C11orf91: variants seen among roughly 807,000 people sequenced by gnomAD.
C11orf91 encodes the protein chromosome 11 open reading frame 91, also known as uncharacterized protein C11orf91.
A neutral mutation model predicts 14.3 loss-of-function variants in C11orf91; 10 were observed. The ratio of observed to expected loss-of-function variants is 0.70; its 90% CI spans 0.43 to 1.18. The LOEUF (loss-of-function observed/expected upper bound fraction) is 1.18, where lower values mean the gene tolerates loss of function less well. Among genes scored for constraint, C11orf91 ranks in the 50% most tolerant of loss-of-function variants. The probability of loss-of-function intolerance (pLI) is 0.00; values close to 1 mark genes in which losing one functional copy is unlikely to be tolerated. For missense variants in C11orf91, 236 were observed against 269.0 expected (o/e 0.88, Z 0.86); for synonymous variants, 141 against 130.6 (o/e 1.08, Z -0.54).
Position 33,700,342 on chromosome 11 carries a change from G to A in C11orf91, c.399C>T (p.Ala133=), listed in dbSNP as rs1853100229. ...LVPCPSTPRL[A]SASHPEELCE... The stretch of plus-strand genomic sequence containing the variant: ...AGAGCTCCTCCGGGTGGGAGGCAGA[G>A]GCGAGCCTGGGGGTCGAGGGGCAGG... Residue 133 remains alanine (A), a synonymous_variant, in exon 1 of 2, where the codon GCC becomes GCT. Coordinates refer to ENST00000379011, the MANE Select transcript of C11orf91 (RefSeq NM_001166692.2). 1 of 1,535,518 alleles carries A rather than the reference G, an allele frequency of 6.5e-7. No homozygotes were observed.
In C11orf91 at chr11:33,700,527, G is replaced by C. The variant is rs1853106187; in HGVS notation, c.214C>G (p.Pro72Ala). 1.5e-6 allele frequency: 2 copies of C among 1,350,396 alleles called. No homozygotes were observed. The highest frequency in any genetic ancestry group is 1.9e-5 in the South Asian group (1 of 51,996). The allele number at this position is 1,350,396 out of a possible 1,614,324, so 83.7% of individuals were successfully genotyped here. A position where few individuals can be genotyped will look rare whatever the true frequency, so the allele number is the denominator to read the frequency against. The change falls in exon 1 of 2, where the codon CCG (proline) becomes GCG (alanine). Residue 72 changes from proline to alanine, a missense_variant. Transcript: ENST00000379011. ...GGTGGTGGCGGGGGCGGGGGCGCCG[G>C]GGCGGGGAGCGCCTGGGACAGGGAC... is the stretch of plus-strand genomic sequence containing the variant. ...ARSLSQALPA[P>A]APPPPPPPGL...
At chr11:33,705,703 G>C (rs569715251), upstream of C11orf91, 1 of 152,108 alleles carries the variant, frequency 6.6e-6, no homozygotes, top group African/African-American at 2.4e-5. Flanking sequence ...GTGCGACTTC[G>C]CCTTCTAACT....
At chr11:33,699,484 G>A (rs1373373272) in intron 1 of C11orf91, 1 of 449,872 alleles carries the variant, frequency 2.2e-6, no homozygotes, top group African/African-American at 2.0e-5. Flanking sequence ...TACCGCTACT[G>A]AAAGTTCTAC....
Position 33,700,718 on chromosome 11 carries a change from C to T in C11orf91, c.23G>A (p.Ser8Asn). 1 of 1,384,840 alleles carries T rather than the reference C, an allele frequency of 7.2e-7. No individual in the cohort carries two copies. The highest frequency in any genetic ancestry group is 9.4e-7 in the Non-Finnish European group (1 of 1,066,424). The allele number at this position is 1,384,840 out of a possible 1,614,324, so 85.8% of individuals were successfully genotyped here. A position where few individuals can be genotyped will look rare whatever the true frequency, so the allele number is the denominator to read the frequency against. ...CCGCTGGCTCATGGTGGGGCTGTGGCTGCCGCGCCGCCCCTTTGGCATCGT... is the reference window on the plus strand; with the variant it reads ...CCGCTGGCTCATGGTGGGGCTGTGGTTGCCGCGCCGCCCCTTTGGCATCGT... MPKGRRG[S>N]HSPTMSQRSA... The change falls in exon 1 of 2, where the codon AGC becomes AAC. Residue 8 changes from serine (S) to asparagine (N), a missense_variant. Physicochemically the swap from Ser to Asn is conservative, Grantham distance 46. Coordinates refer to ENST00000379011, the MANE Select transcript of C11orf91 (RefSeq NM_001166692.2).
chr11:33,705,840 T>G, the C11orf91 span: 3 of 152,260 alleles, frequency 2.0e-5, no homozygotes, highest in Admixed American at 6.5e-5. Flanking sequence ...TAGCATTATG[T>G]CACACCAACA....
chr11:33,700,394 G>A lies in C11orf91; in HGVS notation c.347C>T (p.Pro116Leu). The A allele has an allele frequency of 6.5e-7, 1 of 1,532,086 alleles. No homozygotes were observed. Among genetic ancestry groups the A allele is most frequent in the Non-Finnish European group, 8.7e-7 (1 of 1,145,122 alleles). The allele number at this position is 1,532,086 out of a possible 1,614,324, so 94.9% of individuals were successfully genotyped here. ...LRFFYSPPPG[P>L]EVVASPLVPC... ...GACCAGGGGCGAGGCAACCACCTCAGGCCCCGGCGGCGGTGAGTAGAAGAA... is the reference window on the plus strand; with the variant it reads ...GACCAGGGGCGAGGCAACCACCTCAAGCCCCGGCGGCGGTGAGTAGAAGAA... Residue 116 changes from proline (P) to leucine (L), a missense_variant, in exon 1 of 2, where the codon CCT becomes CTT. Transcript: ENST00000379011.
chr11:33,699,413 T>C (rs1433469837), intron 1 of C11orf91: 2 of 379,638 alleles, frequency 5.3e-6, no homozygotes, highest in Non-Finnish European at 1.1e-5. Context: ...CCTTCTCCAG[T>C]GGTCAAGGAC....
upstream of C11orf91, among the ~76,000 whole-genome samples, chr11:33,701,140 C>A (rs1853119980): frequency 6.6e-6 from 1 of 152,232 alleles, no homozygotes; most frequent in Non-Finnish European, 1.5e-5. Flanking sequence ...CTCTCTTTCT[C>A]CCATGAGGGA....
chr11:33,701,351 T>C (rs943118596), upstream of C11orf91, among the ~76,000 whole-genome samples: 8 of 152,230 alleles, frequency 5.3e-5, no homozygotes, highest in Non-Finnish European at 1.2e-4. Flanking sequence ...GTTAGCAGTG[T>C]TGAGGAAGAT....
chr11:33,700,360 G>A lies in C11orf91; in HGVS notation c.381C>T (p.Pro127=), dbSNP rs1227295022. The change falls in exon 1 of 2, where the codon CCC becomes CCT. Residue 127 remains proline (P), a synonymous_variant. Transcript: ENST00000379011. The part of the protein sequence containing the change: ...EVVASPLVPC[P]STPRLASASH... Reference sequence around the variant, plus strand: ...AGGCAGAGGCGAGCCTGGGGGTCGAGGGGCAGGGGACCAGGGGCGAGGCAA... The same window carrying A: ...AGGCAGAGGCGAGCCTGGGGGTCGAAGGGCAGGGGACCAGGGGCGAGGCAA... 6.5e-7 allele frequency: 1 copy of A among 1,535,290 alleles called. No homozygotes were observed. The highest frequency in any genetic ancestry group is 2.0e-5 in the Admixed American group (1 of 50,956).
intron 1 of C11orf91, 121 bp downstream of exon 1, chr11:33,700,124 G>T: frequency 3.7e-6 from 4 of 1,077,468 alleles, no homozygotes; most frequent in South Asian, 1.6e-5. Context: ...GATAGATTTT[G>T]GATCTGGGAC....
chr11:33,698,513 G>C lies in C11orf91; in HGVS notation c.498C>G (p.Tyr166Ter). The change falls in exon 2 of 2, where the codon TAC becomes TAG. Residue 166 changes from tyrosine (Y) to a stop codon, truncating the protein, a stop_gained and splice_region_variant. Coordinates refer to ENST00000379011, the MANE Select transcript of C11orf91 (RefSeq NM_001166692.2). LOFTEE classifies it high-confidence loss of function. Reference protein sequence around the residue: ...ITGDGFDSQSYTFLKALKDEK... With the variant: ...ITGDGFDSQS ...CGTCTTTTAGCGCCTTCAGGAATGT[G>C]TCTGCAGGAGAGCAAAACAAACTTA... 1 of 1,535,846 alleles carries C rather than the reference G, an allele frequency of 6.5e-7. No homozygotes were observed. Among genetic ancestry groups the C allele is most frequent in the South Asian group, 1.2e-5 (1 of 84,040 alleles).
chr11:33,698,838 T>C (rs954858926), intron 1 of C11orf91, among the ~76,000 whole-genome samples: 1 of 142,502 alleles, frequency 7.0e-6, no homozygotes, highest in Non-Finnish European at 1.5e-5. Context: ...TGGAGTGCAG[T>C]GGCACAATCT....
At position 33,698,393 on chromosome 11, in the gene C11orf91, A is replaced by G. The variant is rs1853060772; in HGVS notation, c.*36T>C. ...ACACATTATCTAAGCACTAACACCT[A>G]AGGAGGTGGCTGCCCAAGCTCTGGT... On this transcript the variant is annotated 3_prime_UTR_variant, in exon 2 of 2. Coordinates refer to ENST00000379011, the MANE Select transcript of C11orf91 (RefSeq NM_001166692.2). 8.0e-7 allele frequency: 1 copy of G among 1,247,246 alleles called. No individual in the cohort carries two copies. 77.3% of individuals were successfully genotyped at this position (1,247,246 alleles called of 1,614,324 possible). A position where few individuals can be genotyped will look rare whatever the true frequency, so the allele number is the denominator to read the frequency against.
At chr11:33,705,526 C>G (rs1853275529), upstream of C11orf91, 1 of 152,236 alleles carries the variant, frequency 6.6e-6, no homozygotes, top group Admixed American at 6.5e-5. Flanking sequence ...GTTCTTCAGC[C>G]TTTGGAATCT....
Position 33,700,249 on chromosome 11 carries a change from C to A in C11orf91, c.492G>T (p.Gln164His). 6.5e-7 allele frequency: 1 copy of A among 1,533,590 alleles called. No individual in the cohort carries two copies. The highest frequency in any genetic ancestry group is 8.7e-7 in the Non-Finnish European group (1 of 1,145,740). The allele number at this position is 1,533,590 out of a possible 1,614,324, so 95.0% of individuals were successfully genotyped here. Residue 164 changes from glutamine to histidine, a missense_variant, in exon 1 of 2, where the codon CAG becomes CAT. Gln to His is a conservative substitution (Grantham distance 24). Transcript: ENST00000379011. The part of the protein sequence containing the change: ...LTITGDGFDS[Q>H]SYTFLKALKD... ...GGCCCTGGCGAGGTCACGCACAGCT[C>A]TGGGAGTCGAAGCCGTCCCCAGTGA... is the stretch of plus-strand genomic sequence containing the variant.
upstream of C11orf91, among the ~76,000 whole-genome samples, chr11:33,701,042 C>T (rs908794805): frequency 1.3e-5 from 2 of 152,246 alleles, no homozygotes; most frequent in Non-Finnish European, 2.9e-5. Flanking sequence ...TCTGCGACCC[C>T]GCTGGCTTCC....
At chr11:33,705,333 G>A (rs1234214477), upstream of C11orf91, 1 of 152,252 alleles carries the variant, frequency 6.6e-6, no homozygotes, top group African/African-American at 2.4e-5. Context: ...CTCATGTAAT[G>A]GAAAGCTCTT....
rs1218868134 is a variant in C11orf91, at chr11:33,700,432, G to A, written c.309C>T (p.Tyr103=). 6.7e-7 allele frequency: 1 copy of A among 1,500,052 alleles called. No homozygotes were observed. The allele number at this position is 1,500,052 out of a possible 1,614,324, so 92.9% of individuals were successfully genotyped here. A position where few individuals can be genotyped will look rare whatever the true frequency, so the allele number is the denominator to read the frequency against. ...PWPSGLASIP[Y]EPLRFFYSPP... Reference sequence around the variant, plus strand: ...GTGAGTAGAAGAAGCGCAGAGGCTCGTAGGGGATGGAGGCCAGGCCGGAGG... The same window carrying A: ...GTGAGTAGAAGAAGCGCAGAGGCTCATAGGGGATGGAGGCCAGGCCGGAGG... The change falls in exon 1 of 2, where the codon TAC becomes TAT. Residue 103 remains tyrosine, a synonymous_variant. Coordinates refer to ENST00000379011, the MANE Select transcript of C11orf91 (RefSeq NM_001166692.2).
Sources: allele counts gnomAD v4.1 joint callset (sites outside exome capture counted in the v4.1 genomes callset), GRCh38; gene constraint gnomAD v4.1.1; transcripts MANE v1.5; gene names NCBI Gene and HGNC (gene_info 2026-07-23, HGNC 2026-07-21).